The following NRK variants were observed in gnomAD, a reference collection of about 807,000 sequenced individuals.
The protein encoded by NRK is nik-related protein kinase.
In NRK, 67 loss-of-function variants were observed where a neutral mutation model predicts 125.2. The observed-to-expected ratio is 0.54, with a 90% CI of 0.44 to 0.66. The LOEUF is 0.66. Ranked by LOEUF, NRK falls within the 30% of genes least tolerant of loss-of-function variation. The pLI, the probability that NRK is intolerant of heterozygous loss-of-function variation, is 0.00. For missense variants in NRK, 1,224 were observed against 1,192.9 expected (o/e 1.03, Z -0.38); for synonymous variants, 458 against 429.0 (o/e 1.07, Z -0.84).
At chrX:105,852,992 G>T (rs1014169394) in intron 2 of NRK, among the ~76,000 whole-genome samples, 4 of 111,610 alleles carry the variant, frequency 3.6e-5, no homozygotes, top group African/African-American at 1.3e-4. Context: ...AAATTAGTTA[G>T]GTTTTTTCCA....
At chrX:105,881,829 T>G (rs993558985) in intron 4 of NRK, 50 bp downstream of exon 4, 1 of 722,792 alleles carries the variant, frequency 1.4e-6, no homozygotes, top group African/African-American at 2.1e-5. Context: ...TCCTTTCATT[T>G]TCAGCTTTTA....
intron 22 of NRK, among the ~76,000 whole-genome samples, chrX:105,939,320 T>C (rs1337921652): frequency 8.9e-6 from 1 of 111,735 alleles, no homozygotes; most frequent in Non-Finnish European, 1.9e-5. Flanking sequence ...ATTGTAAGAA[T>C]TTGATGAAAT....
chrX:105,915,742 T>A lies in NRK; in HGVS notation c.2362T>A (p.Ser788Thr), dbSNP rs1477507518. Residue 788 changes from serine to threonine, a missense_variant, in exon 15 of 29, where the codon TCT (serine) becomes ACT (threonine). Coordinates refer to ENST00000243300, the MANE Select transcript of NRK (RefSeq NM_198465.4). ...NPKKIEVQERSPSVPNNQDHA... is the reference protein window; with the variant it reads ...NPKKIEVQERTPSVPNNQDHA... ...TTGTGTCTTTAAGGTTCAAGAGAGA[T>A]CTCCTTCTGTGCCTAACAACCAGGA... is the stretch of plus-strand genomic sequence containing the variant. 5 of 1,144,762 alleles carry A rather than the reference T, an allele frequency of 4.4e-6. No individual in the cohort carries two copies. The African/African-American group carries it at 8.9e-5, about 20-fold the overall frequency. The allele number at this position is 1,144,762 out of a possible 1,213,427, so 94.3% of individuals were successfully genotyped here.
intron 22 of NRK, 24 bp downstream of exon 22, chrX:105,937,606 C>T (rs1180909460): frequency 8.8e-7 from 1 of 1,136,870 alleles, no homozygotes; most frequent in Non-Finnish European, 1.2e-6. Flanking sequence ...CTAAAATTAG[C>T]TGAGTAATTA....
chrX:105,854,047 C>G (rs2039503938), intron 2 of NRK, among the ~76,000 whole-genome samples: 1 of 111,736 alleles, frequency 8.9e-6, no homozygotes, highest in Non-Finnish European at 1.9e-5. Context: ...GTTTGGAGTA[C>G]TGTAACAGCA....
At position 105,912,728 on chromosome X, in the gene NRK, ATACATT is replaced by A; in HGVS notation, c.2324_2329del (p.Tyr775_Ile776del). On this transcript the variant is annotated inframe_deletion, in exon 14 of 29. Coordinates refer to ENST00000243300, the MANE Select transcript of NRK (RefSeq NM_198465.4). ...AAGTCCAGATAGAGCCATTGAAGCCATACATTTCAAATCCTAAAAAAATTGAGGTAA... is the reference window on the plus strand; with the variant it reads ...AAGTCCAGATAGAGCCATTGAAGCCATCAAATCCTAAAAAAATTGAGGTAA... The A allele has an allele frequency of 9.1e-7, 1 of 1,095,660 alleles. No homozygotes were observed. Among genetic ancestry groups the A allele is most frequent in the Non-Finnish European group, 1.2e-6 (1 of 815,484 alleles). The allele number at this position is 1,095,660 out of a possible 1,213,427, so 90.3% of individuals were successfully genotyped here.
At chrX:105,861,824 C>T (rs1401158798) in intron 2 of NRK, among the ~76,000 whole-genome samples, 4 of 111,045 alleles carry the variant, frequency 3.6e-5, no homozygotes, top group Non-Finnish European at 7.6e-5. Context: ...TTTGGGAGGC[C>T]AAGGCGGGCA....
At position 105,900,625 on chromosome X, in the gene NRK, T is replaced by C; in HGVS notation, c.719T>C (p.Val240Ala). Residue 240 changes from valine (V) to alanine (A), a missense_variant, in exon 9 of 29, where the codon GTG becomes GCG. Physicochemically the swap from Val to Ala is moderately conservative, Grantham distance 64 (BLOSUM62 0). Coordinates refer to ENST00000243300, the MANE Select transcript of NRK (RefSeq NM_198465.4). ...PRRSYDYRSD[V>A]WSVGITAIEM... ...TCATCTTTGTCTTTGCAGAGTGATG[T>C]GTGGTCTGTGGGAATTACTGCCATT... 8.4e-7 allele frequency: 1 copy of C among 1,183,518 alleles called. No homozygotes were observed. The highest frequency in any genetic ancestry group is 1.1e-6 in the Non-Finnish European group (1 of 871,435).
At chrX:105,898,812 G>A in intron 8 of NRK, 98 bp downstream of exon 8, 1 of 692,861 alleles carries the variant, frequency 1.4e-6, no homozygotes, top group East Asian at 3.9e-5. Context: ...AAAGCAGGCA[G>A]CTCCACATTT....
chrX:105,908,345 T>A (rs374564569), intron 12 of NRK, 42 bp downstream of exon 12: 3 of 691,220 alleles, frequency 4.3e-6, no homozygotes, highest in Admixed American at 7.0e-5. Flanking sequence ...TGATAGCAAT[T>A]CACATAAGGC....
At chrX:105,953,245 T>G in intron 28 of NRK, 72 bp downstream of exon 28, 48 of 744,822 alleles carry the variant, frequency 6.4e-5, no homozygotes, top group Non-Finnish European at 8.0e-5. Context: ...AAGAAATTTC[T>G]GTCCTTTTCC....
intron 19 of NRK, among the ~76,000 whole-genome samples, chrX:105,929,760 G>C (rs1476220213): frequency 2.7e-5 from 3 of 111,480 alleles, no homozygotes; most frequent in Non-Finnish European, 3.8e-5. Context: ...AGCATTTCTT[G>C]TAAGACCTCT....
intron 1 of NRK, among the ~76,000 whole-genome samples, chrX:105,823,457 A>G (rs1463808329): frequency 9.0e-6 from 1 of 111,412 alleles, no homozygotes; most frequent in Non-Finnish European, 1.9e-5. Context: ...TATTCTTGCC[A>G]GGGCAATGTT....
At chrX:105,911,169 A>T (rs779278679) in intron 13 of NRK, among the ~76,000 whole-genome samples, 1 of 112,158 alleles carries the variant, frequency 8.9e-6, no homozygotes, top group African/African-American at 3.2e-5. Context: ...AATGTGGAAT[A>T]CAGTGTGTTA....
chrX:105,950,990 G>A (rs1444299427), intron 27 of NRK, among the ~76,000 whole-genome samples: 1 of 109,098 alleles, frequency 9.2e-6, no homozygotes, highest in Non-Finnish European at 1.9e-5. Context: ...ACTTTGCATT[G>A]CATCTGCAGA....
At chrX:105,870,084 A>G (rs2039723482) in intron 2 of NRK, among the ~76,000 whole-genome samples, 1 of 111,705 alleles carries the variant, frequency 9.0e-6, no homozygotes, top group African/African-American at 3.3e-5. Flanking sequence ...GGGAGAAAAT[A>G]GTAACTGAAA....
intron 1 of NRK, among the ~76,000 whole-genome samples, chrX:105,826,291 TATC>T (rs1234044693): frequency 8.3e-5 from 7 of 83,936 alleles, no homozygotes; most frequent in Non-Finnish European, 1.1e-4. Flanking sequence ...AAATATATAT[TATC>T]ATATATATAA....
At chrX:105,865,282 A>G (rs779336704) in intron 2 of NRK, among the ~76,000 whole-genome samples, 1 of 111,517 alleles carries the variant, frequency 9.0e-6, no homozygotes, top group Non-Finnish European at 1.9e-5. Flanking sequence ...TAATTTTGGC[A>G]GGAACAGAAT....
In NRK at chrX:105,852,502, T is replaced by A. The variant is rs546454316; in HGVS notation, c.123+21383T>A. Among the ~76,000 whole-genome samples, 9 of 112,165 alleles carry A rather than the reference T, an allele frequency of 8.0e-5. No individual in the cohort carries two copies. The South Asian group carries it at 3.3e-3, about 42-fold the overall frequency. On this transcript the variant is annotated intron_variant, in intron 2 of 28. Transcript: ENST00000243300. ...TGTTCCCTTAAAAATGTGGTTTTGA[T>A]TAATCTGCCTTTGGATTATCCAGTT...
Sources: allele counts gnomAD v4.1 joint callset (sites outside exome capture counted in the v4.1 genomes callset), GRCh38; gene constraint gnomAD v4.1.1; transcripts MANE v1.5; gene names NCBI Gene and HGNC (gene_info 2026-07-23, HGNC 2026-07-21).